CNST: variants seen among roughly 807,000 people sequenced by gnomAD.
The protein encoded by CNST is consortin.
Under a neutral mutation model 72.4 loss-of-function variants are expected in CNST, and 39 were observed. The observed-to-expected ratio is 0.54, with a 90% CI of 0.42 to 0.70. The LOEUF is 0.70. Ranked by LOEUF, CNST falls within the 30% of genes least tolerant of loss-of-function variation. CNST has a pLI of 0.00. For synonymous variants in CNST, 332 were observed against 320.1 expected, an observed-to-expected ratio of 1.04 and a Z score of -0.40; for missense variants, 871 against 868.5, an observed-to-expected ratio of 1.00 and a Z score of -0.04.
In CNST at chr1:246,668,196, C is replaced by T. The variant is rs922525832; in HGVS notation, c.*2291C>T. ...CCTGGTGGTGAAAGGATTGTTATTT[C>T]ACACATGAAAAATTCATCCAGTTTT... On this transcript the variant is annotated 3_prime_UTR_variant, in exon 11 of 11. Coordinates refer to ENST00000366513, the MANE Select transcript of CNST (RefSeq NM_152609.3). 1.3e-5 allele frequency: 2 copies of T among 152,204 alleles called. No homozygotes were observed. Among genetic ancestry groups the T allele is most frequent in the Non-Finnish European group, 1.5e-5 (1 of 68,034 alleles). The allele number at this position is 152,204 out of a possible 1,614,324, so 9.4% of individuals were successfully genotyped here. A position where few individuals can be genotyped will look rare whatever the true frequency, so the allele number is the denominator to read the frequency against.
intron 1 of CNST, among the ~76,000 whole-genome samples, chr1:246,589,719 A>G (rs1349110492): frequency 6.6e-6 from 1 of 152,192 alleles, no homozygotes; most frequent in African/African-American, 2.4e-5. Context: ...GAACTAGTTT[A>G]CAGTCCTACC....
At chr1:246,634,990 G>GGGGTGCGTGTCTTCCGACCA in intron 6 of CNST, among the ~76,000 whole-genome samples, 2 of 149,616 alleles carry the variant, frequency 1.3e-5, no homozygotes, top group South Asian at 2.2e-4. Context: ...TCTTCCGGCC[G>GGGGTGCGTGTCTTCCGACCA]GCCCTCTTCC....
chr1:246,584,762 A>G (rs1229548523), intron 1 of CNST, among the ~76,000 whole-genome samples: 4 of 152,006 alleles, frequency 2.6e-5, no homozygotes, highest in Middle Eastern at 3.2e-3. Context: ...TAAACCTTCT[A>G]TATGCTCCCC....
chr1:246,668,299 A>G lies in CNST; in HGVS notation c.*2394A>G, dbSNP rs1466193811. The G allele has an allele frequency of 6.6e-6, 1 of 152,186 alleles. No individual in the cohort carries two copies. Among genetic ancestry groups the G allele is most frequent in the Non-Finnish European group, 1.5e-5 (1 of 68,030 alleles). The allele number at this position is 152,186 out of a possible 1,614,324, so 9.4% of individuals were successfully genotyped here. ...TAATCTTCCTTAAGAACTGTATTTG[A>G]GGGTATCAAATCAAGCTTGTAATTT... On this transcript the variant is annotated 3_prime_UTR_variant, in exon 11 of 11. Coordinates refer to ENST00000366513, the MANE Select transcript of CNST (RefSeq NM_152609.3).
intron 4 of CNST, among the ~76,000 whole-genome samples, chr1:246,632,919 C>T (rs1035739655): frequency 6.6e-6 from 1 of 152,162 alleles, no homozygotes; most frequent in Non-Finnish European, 1.5e-5. Context: ...AACAGAAACA[C>T]TTGACCAGAG....
intron 1 of CNST, among the ~76,000 whole-genome samples, chr1:246,569,119 T>C (rs1232551694): frequency 6.6e-6 from 1 of 152,204 alleles, no homozygotes; most frequent in African/African-American, 2.4e-5. Context: ...TGTAGGTCTG[T>C]AGCAGCAGTC....
chr1:246,664,019 A>G (rs1277640523), intron 10 of CNST, among the ~76,000 whole-genome samples: 4 of 152,206 alleles, frequency 2.6e-5, no homozygotes, highest in African/African-American at 9.6e-5. Context: ...GGTATCCATT[A>G]GGTTTTGTAA....
intron 9 of CNST, among the ~76,000 whole-genome samples, chr1:246,648,682 T>C (rs954383942): frequency 6.6e-6 from 1 of 152,182 alleles, no homozygotes; most frequent in Non-Finnish European, 1.5e-5. Context: ...CAGAATTCGA[T>C]TGCCTTAGTT....
At chr1:246,634,066 C>A (rs1664970245) in intron 5 of CNST, 56 bp downstream of exon 5, 4 of 1,083,978 alleles carry the variant, frequency 3.7e-6, no homozygotes, top group Non-Finnish European at 5.7e-6. Context: ...AAGTCACTAT[C>A]TACAAAATTA....
At chr1:246,591,460 G>C (rs1661536620) in intron 1 of CNST, 52 bp from the exon 2 acceptor site, 2 of 1,256,572 alleles carry the variant, frequency 1.6e-6, no homozygotes, top group Non-Finnish European at 2.2e-6. Context: ...AGATCACTGA[G>C]AATCTGCAAA....
chr1:246,651,566 A>G (rs190623734), intron 9 of CNST, among the ~76,000 whole-genome samples: 35 of 152,334 alleles, frequency 2.3e-4, no homozygotes, highest in Non-Finnish European at 3.5e-4. Flanking sequence ...TGGATTCATC[A>G]GATCAAATGA....
intron 3 of CNST, among the ~76,000 whole-genome samples, chr1:246,623,687 A>C (rs1664235065): frequency 6.6e-6 from 1 of 151,954 alleles, no homozygotes; most frequent in Non-Finnish European, 1.5e-5. Context: ...GCTTGAACCC[A>C]GGAGGCGGAG....
chr1:246,663,358 A>T (rs1228553836), intron 10 of CNST, among the ~76,000 whole-genome samples: 1 of 151,734 alleles, frequency 6.6e-6, no homozygotes, highest in Non-Finnish European at 1.5e-5. Flanking sequence ...AAAAAGAAAG[A>T]CAAGACCGAA....
rs548251611 is a variant in CNST at position 246,634,588 on chromosome 1, G to T, written c.818+1G>T. The T allele has an allele frequency of 6.6e-7, 1 of 1,521,502 alleles. No homozygotes were observed. The highest frequency in any genetic ancestry group is 1.4e-5 in the African/African-American group (1 of 72,244). 94.3% of individuals were successfully genotyped at this position (1,521,502 alleles called of 1,614,324 possible). ...CGAAAATTTGTGCAACACATCAAGA[G>T]TAAGTATATCAGAATTTCGTTAGAA... On this transcript the variant is annotated splice_donor_variant, in intron 6 of 10. Coordinates refer to ENST00000366513, the MANE Select transcript of CNST (RefSeq NM_152609.3). LOFTEE classifies it high-confidence loss of function.
At chr1:246,663,453 A>G (rs1164066505) in intron 10 of CNST, among the ~76,000 whole-genome samples, 1 of 152,010 alleles carries the variant, frequency 6.6e-6, no homozygotes, top group Non-Finnish European at 1.5e-5. Context: ...GGTATAAACT[A>G]TTTTAGACTG....
chr1:246,647,072 CCTT>C, intron 8 of CNST, 64 bp from the exon 9 acceptor site: 1 of 1,374,634 alleles, frequency 7.3e-7, no homozygotes, highest in Non-Finnish European at 1.0e-6. Flanking sequence ...TTCATATGTC[CCTT>C]CTTTTCCTTC....
At chr1:246,628,185 G>C (rs1664562600) in intron 3 of CNST, among the ~76,000 whole-genome samples, 1 of 152,030 alleles carries the variant, frequency 6.6e-6, no homozygotes, top group African/African-American at 2.4e-5. Context: ...GTTTAAAAGG[G>C]GGTCTGCCTT....
intron 2 of CNST, chr1:246,606,560 A>G (rs1343913901): frequency 1.2e-4 from 18 of 152,244 alleles, no homozygotes; most frequent in Middle Eastern, 3.4e-3. Context: ...TCCAGGGCTG[A>G]GGCGGTTTGG....
intron 2 of CNST, among the ~76,000 whole-genome samples, chr1:246,613,051 C>T (rs1426324747): frequency 1.3e-5 from 2 of 152,086 alleles, no homozygotes; most frequent in Non-Finnish European, 2.9e-5. Flanking sequence ...CTCCTTGTCA[C>T]AATCTTATCA....
Sources: allele counts gnomAD v4.1 joint callset (sites outside exome capture counted in the v4.1 genomes callset), GRCh38; gene constraint gnomAD v4.1.1; transcripts MANE v1.5; gene names NCBI Gene and HGNC (gene_info 2026-07-23, HGNC 2026-07-21).